ETNPPL: variants seen among roughly 807,000 people sequenced by gnomAD.
ETNPPL encodes ethanolamine-phosphate phospho-lyase, also known as alanine--glyoxylate aminotransferase 2-like 1.
ETNPPL carries 30 observed loss-of-function variants against 55.5 expected under a neutral mutation model. The observed-to-expected ratio is 0.54, with a 90% CI of 0.40 to 0.73. The LOEUF (loss-of-function observed/expected upper bound fraction) is 0.73. ETNPPL is among the 30% of genes least tolerant of loss of function. The probability of loss-of-function intolerance (pLI) is 0.00; values close to 1 mark genes in which losing one functional copy is unlikely to be tolerated. For synonymous variants in ETNPPL, 202 were observed against 207.2 expected (o/e 0.98, Z 0.21); for missense variants, 528 against 607.9 (o/e 0.87, Z 1.38).
At chr4:108,762,722 G>T in intron 1 of ETNPPL, 121 bp downstream of exon 1, 1 of 1,250,334 alleles carries the variant, frequency 8.0e-7, no homozygotes, top group Non-Finnish European at 1.2e-6. Flanking sequence ...GTGCACAGGC[G>T]CGGCGGGCAC....
Position 108,750,736 on chromosome 4 carries a change from G to A in ETNPPL, c.701+200C>T, listed in dbSNP as rs199957431. Among the ~76,000 whole-genome samples, 21 of 151,420 alleles carry A rather than the reference G, an allele frequency of 1.4e-4. No individual in the cohort carries two copies. In the East Asian group the frequency reaches 3.3e-3, roughly 24 times the overall value. On this transcript the variant is annotated intron_variant, in intron 7 of 12. Coordinates refer to ENST00000296486, the MANE Select transcript of ETNPPL (RefSeq NM_031279.4). ...AGCAGAGTTCTGAACCCCCGCTGTTGGACCATGTGTAAACCTTGTACTTGC... is the reference window on the plus strand; with the variant it reads ...AGCAGAGTTCTGAACCCCCGCTGTTAGACCATGTGTAAACCTTGTACTTGC...
At chr4:108,761,899 G>T (rs1179019283) in intron 1 of ETNPPL, among the ~76,000 whole-genome samples, 1 of 152,132 alleles carries the variant, frequency 6.6e-6, no homozygotes, top group Non-Finnish European at 1.5e-5. Flanking sequence ...TTTCTTCCTT[G>T]TAACCCCAAG....
At chr4:108,756,816 A>T (rs959540500) in intron 3 of ETNPPL, among the ~76,000 whole-genome samples, 5 of 151,864 alleles carry the variant, frequency 3.3e-5, no homozygotes, top group African/African-American at 4.8e-5. Flanking sequence ...ACAGACTGAG[A>T]CTCCATCTCC....
At chr4:108,750,004 C>T (rs1033999944) in intron 7 of ETNPPL, among the ~76,000 whole-genome samples, 11 of 152,298 alleles carry the variant, frequency 7.2e-5, no homozygotes, top group African/African-American at 2.4e-4. Context: ...TGAGCCACAG[C>T]ACCCAGTCCT....
chr4:108,748,018 T>C lies in ETNPPL; in HGVS notation c.1069A>G (p.Ile357Val). The C allele has an allele frequency of 6.2e-7, 1 of 1,609,092 alleles. No individual in the cohort carries two copies. The highest frequency in any genetic ancestry group is 8.5e-7 in the Non-Finnish European group (1 of 1,178,212). The change falls in exon 9 of 13, where the codon ATA (isoleucine) becomes GTA (valine). Residue 357 changes from isoleucine (I) to valine (V), a missense_variant. By Grantham distance (29) the Ile-to-Val change is conservative (BLOSUM62 3). Transcript: ENST00000296486. Reference sequence around the variant, plus strand: ...TAATGAACATACCTAATATCTCCTATCAAAGTGTGTTTAGCCTTCTGTTTT... The same window carrying C: ...TAATGAACATACCTAATATCTCCTACCAAAGTGTGTTTAGCCTTCTGTTTT... ...LKKQKAKHTLIGDIRGIGLFI... is the reference protein window; with the variant it reads ...LKKQKAKHTLVGDIRGIGLFI...
chr4:108,756,727 G>A (rs901634802), intron 3 of ETNPPL, among the ~76,000 whole-genome samples: 2 of 152,224 alleles, frequency 1.3e-5, no homozygotes, highest in Admixed American at 6.5e-5. Context: ...TTGGGAGGCC[G>A]AGGCAAGAGA....
Position 108,742,401 on chromosome 4 carries a change from T to A in ETNPPL, c.*83A>T, listed in dbSNP as rs1728257930. On this transcript the variant is annotated 3_prime_UTR_variant, in exon 13 of 13. Coordinates refer to ENST00000296486, the MANE Select transcript of ETNPPL (RefSeq NM_031279.4). ...ACTGACAATTCCACCTTTAGAGGTA[T>A]AATAGAGCTATTAACCGATGAGACA... The A allele has an allele frequency of 7.9e-6, 11 of 1,401,082 alleles. No homozygotes were observed. The East Asian group carries it at 2.3e-4, about 29-fold the overall frequency. 86.8% of individuals were successfully genotyped at this position (1,401,082 alleles called of 1,614,324 possible). A position where few individuals can be genotyped will look rare whatever the true frequency, so the allele number is the denominator to read the frequency against.
chr4:108,750,271 T>TAATC (rs1487456423), intron 7 of ETNPPL, among the ~76,000 whole-genome samples: 2 of 152,108 alleles, frequency 1.3e-5, no homozygotes, highest in Non-Finnish European at 2.9e-5. Context: ...GGGCACAATC[T>TAATC]AATCAGCTGC....
intron 6 of ETNPPL, among the ~76,000 whole-genome samples, chr4:108,751,853 C>T (rs756988767): frequency 3.3e-5 from 5 of 152,218 alleles, no homozygotes; most frequent in Admixed American, 6.5e-5. Flanking sequence ...TTCAGCACTG[C>T]TAATATGACA....
Position 108,754,651 on chromosome 4 carries a change from C to A in ETNPPL, c.470G>T (p.Gly157Val). The A allele has an allele frequency of 6.3e-7, 1 of 1,594,716 alleles. No homozygotes were observed. The highest frequency in any genetic ancestry group is 8.6e-7 in the Non-Finnish European group (1 of 1,164,154). ...TACAAATTCTTTTTTGACATCTTTT[C>A]CTTTCTGAAACTTATATGGGCTAAT... ...IEISPYKFQK[G>V]KDVKKEFVHV... Residue 157 changes from glycine to valine, a missense_variant, in exon 5 of 13, where the codon GGA (glycine) becomes GTA (valine). Transcript: ENST00000296486.
chr4:108,749,370 A>G lies in ETNPPL; in HGVS notation c.795T>C (p.Tyr265=). ...CGATGTCTGGAACAAAGTCTTCACC[A>G]TACATCTGGAAGCTCCAGAAATGTT... The part of the protein sequence containing the change: ...VGKHFWSFQM[Y]GEDFVPDIVT... Residue 265 remains tyrosine (Y), a synonymous_variant, in exon 8 of 13, where the codon TAT becomes TAC. Coordinates refer to ENST00000296486, the MANE Select transcript of ETNPPL (RefSeq NM_031279.4). 6.2e-7 allele frequency: 1 copy of G among 1,614,106 alleles called. No individual in the cohort carries two copies.
In ETNPPL at chr4:108,748,099, C is replaced by T; in HGVS notation, c.988G>A (p.Glu330Lys). ...GLAVLDIIEN[E>K]DLQGNAKRVG... ...CTCTTGGCATTTCCTTGAAGGTCTT[C>T]ATTTTCAATTATATCCAGGACAGCC... The change falls in exon 9 of 13, where the codon GAA becomes AAA. Residue 330 changes from glutamate (E) to lysine (K), a missense_variant. Transcript: ENST00000296486. The T allele has an allele frequency of 6.2e-7, 1 of 1,611,344 alleles. No individual in the cohort carries two copies. The highest frequency in any genetic ancestry group is 8.5e-7 in the Non-Finnish European group (1 of 1,178,890).
chr4:108,760,016 G>T (rs1729432985), intron 2 of ETNPPL, 108 bp from the exon 3 acceptor site: 4 of 1,255,254 alleles, frequency 3.2e-6, no homozygotes, highest in Admixed American at 2.0e-5. Context: ...ACAAACAAAA[G>T]TTGAGTTCCT....
chr4:108,758,428 G>T (rs1012747387), intron 3 of ETNPPL, among the ~76,000 whole-genome samples: 5 of 152,110 alleles, frequency 3.3e-5, no homozygotes, highest in Non-Finnish European at 7.3e-5. Flanking sequence ...TCTATAGAAT[G>T]GATATATAAT....
rs911373144 is a variant in ETNPPL, at chr4:108,757,216, T to A, written c.336-724A>T. On this transcript the variant is annotated intron_variant, in intron 3 of 12. Coordinates refer to ENST00000296486, the MANE Select transcript of ETNPPL (RefSeq NM_031279.4). ...CCTTCTCTATAAAATGAGTATCAAA[T>A]TTTTTCCTATATATTTCAGACAATC... Among the ~76,000 whole-genome samples, 6 of 152,276 alleles carry A rather than the reference T, an allele frequency of 3.9e-5. No homozygotes were observed. The East Asian group carries it at 1.2e-3, about 29-fold the overall frequency.
At chr4:108,758,472 A>G (rs1184152224) in intron 3 of ETNPPL, among the ~76,000 whole-genome samples, 1 of 152,126 alleles carries the variant, frequency 6.6e-6, no homozygotes, top group African/African-American at 2.4e-5. Flanking sequence ...AGTTGGGGCC[A>G]GGCACGGTGG....
At chr4:108,754,320 A>C (rs1297261528) in intron 5 of ETNPPL, among the ~76,000 whole-genome samples, 1 of 152,156 alleles carries the variant, frequency 6.6e-6, no homozygotes, top group Non-Finnish European at 1.5e-5. Flanking sequence ...CTGAATTTTG[A>C]GTTGGCATTT....
chr4:108,751,079 G>A (rs1232260006), intron 6 of ETNPPL, 61 bp from the exon 7 acceptor site: 17 of 1,162,352 alleles, frequency 1.5e-5, no homozygotes, highest in Non-Finnish European at 2.2e-5. Flanking sequence ...CCTAAAAAGA[G>A]TATATCTTAT....
At position 108,763,033 on chromosome 4, in the gene ETNPPL, G is replaced by T; in HGVS notation, c.-135C>A. 1.4e-6 allele frequency: 1 copy of T among 739,440 alleles called. No homozygotes were observed. Among genetic ancestry groups the T allele is most frequent in the Non-Finnish European group, 2.3e-6 (1 of 437,120 alleles). 45.8% of individuals were successfully genotyped at this position (739,440 alleles called of 1,614,324 possible). A position where few individuals can be genotyped will look rare whatever the true frequency, so the allele number is the denominator to read the frequency against. On this transcript the variant is annotated 5_prime_UTR_variant, in exon 1 of 13. Coordinates refer to ENST00000296486, the MANE Select transcript of ETNPPL (RefSeq NM_031279.4). ...CTCCTGGCGTTCTCTTGCCCGGGGC[G>T]TCGGAGGTCACCGGTGGCGTCAACT...
Sources: allele counts gnomAD v4.1 joint callset (sites outside exome capture counted in the v4.1 genomes callset), GRCh38; gene constraint gnomAD v4.1.1; transcripts MANE v1.5; gene names NCBI Gene and HGNC (gene_info 2026-07-23, HGNC 2026-07-21).